Variants in KIR2DL3 observed in about 807,000 individuals in gnomAD.
KIR2DL3 encodes the protein killer cell immunoglobulin like receptor, two Ig domains and long cytoplasmic tail 3.
KIR2DL3 carries 39 observed loss-of-function variants against 33.8 expected under a neutral mutation model. The observed-to-expected ratio is 1.15, with a 90% CI of 0.89 to 1.51. The LOEUF is 1.51. Among genes scored for constraint, KIR2DL3 ranks in the 40% most tolerant of loss-of-function variants. KIR2DL3 has a pLI of 0.00. For synonymous variants in KIR2DL3, 174 were observed against 160.2 expected (o/e 1.09, Z -0.65); for missense variants, 462 against 426.2 (o/e 1.08, Z -0.74).
intron 5 of KIR2DL3, among the ~76,000 whole-genome samples, chr19:54,751,353 C>T (rs2073390223): frequency 7.5e-6 from 1 of 132,646 alleles, no homozygotes; most frequent in Non-Finnish European, 1.6e-5. Flanking sequence ...GATGGATCCA[C>T]CTCCATGACC....
chr19:54,752,496 G>C lies in KIR2DL3; in HGVS notation c.1003G>C (p.Glu335Gln), dbSNP rs780375565. The C allele has an allele frequency of 3.4e-6, 5 of 1,464,552 alleles. 1 individual carries two copies. The African/African-American group carries it at 7.7e-5, about 23-fold the overall frequency. The allele number at this position is 1,464,552 out of a possible 1,614,324, so 90.7% of individuals were successfully genotyped here. Residue 335 changes from glutamate (E) to glutamine (Q), a missense_variant, in exon 8 of 8, where the codon GAA (glutamate) becomes CAA (glutamine). By Grantham distance (29) the Glu-to-Gln change is conservative. Coordinates refer to ENST00000342376, the MANE Select transcript of KIR2DL3 (RefSeq NM_015868.3). ...TPPTDIIVYT[E>Q]LPNAEP ...CCCAACAGATATCATCGTGTACACG[G>C]AACTTCCAAATGCTGAGCCCTGATC...
intron 4 of KIR2DL3, among the ~76,000 whole-genome samples, chr19:54,744,950 ATATATTTTT>A (rs1351957595): frequency 2.6e-4 from 7 of 26,796 alleles, no homozygotes; most frequent in Admixed American, 1.3e-3. Flanking sequence ...ATATATATAT[ATATATTTTT>A]TTTTTTTTTT....
In KIR2DL3 at chr19:54,744,357, T is replaced by A. The variant is rs1322103736; in HGVS notation, c.664+269T>A. On this transcript the variant is annotated intron_variant, in intron 4 of 7. Transcript: ENST00000342376. ...CCAGAGGAGAGAGACTGGGCTCAGT[T>A]TGGGAAGATCAGAGGTTCCCTCAGC... is the stretch of plus-strand genomic sequence containing the variant. 7.2e-5 allele frequency among the ~76,000 whole-genome samples: 11 copies of A among 152,166 alleles called. No individual in the cohort carries two copies. The South Asian group carries it at 1.0e-3, about 14-fold the overall frequency.
In KIR2DL3 at chr19:54,753,026, T is replaced by G. The variant is rs149069923; in HGVS notation, c.*507T>G. The G allele has an allele frequency of 5.8e-3, 1,038 of 178,672 alleles. 16 individuals are homozygous for G. The highest frequency in any genetic ancestry group is 0.026 in the African/African-American group (973 of 37,130). 11.1% of individuals were successfully genotyped at this position (178,672 alleles called of 1,614,324 possible). ...AAAATAATTTCAATGTAGTTTTCCC[T>G]CCTTCAAATAAACATGTCTGCCCTC... On this transcript the variant is annotated 3_prime_UTR_variant, in exon 8 of 8. Coordinates refer to ENST00000342376, the MANE Select transcript of KIR2DL3 (RefSeq NM_015868.3).
At chr19:54,740,959 A>G (rs1467606360) in intron 2 of KIR2DL3, among the ~76,000 whole-genome samples, 1 of 151,562 alleles carries the variant, frequency 6.6e-6, no homozygotes, top group South Asian at 2.1e-4. Context: ...CAGGTGGCCT[A>G]TAGAGGCTGG....
intron 5 of KIR2DL3, among the ~76,000 whole-genome samples, chr19:54,748,094 A>T (rs2072840971): frequency 6.7e-6 from 1 of 150,352 alleles, no homozygotes; most frequent in Non-Finnish European, 1.5e-5. Context: ...TCTGCTTCTC[A>T]CTTATCCCAG....
At chr19:54,738,757 TTGAGATATGGGCCTGCAGTA>T (rs2070288485) in intron 1 of KIR2DL3, among the ~76,000 whole-genome samples, 178 bp downstream of exon 1, 1 of 91,606 alleles carries the variant, frequency 1.1e-5, no homozygotes, top group African/African-American at 4.4e-5. Context: ...GGCCTGGAGG[TTGAGATATGGGCCTGCAGTA>T]GAGATATGGG....
Position 54,752,695 on chromosome 19 carries a change from G to T in KIR2DL3, c.*176G>T. 10 of 930,046 alleles carry T rather than the reference G, an allele frequency of 1.1e-5. 3 individuals are homozygous for T. Among genetic ancestry groups the T allele is most frequent in the South Asian group, 1.7e-5 (1 of 57,290 alleles). 57.6% of individuals were successfully genotyped at this position (930,046 alleles called of 1,614,324 possible). A position where few individuals can be genotyped will look rare whatever the true frequency, so the allele number is the denominator to read the frequency against. On this transcript the variant is annotated 3_prime_UTR_variant, in exon 8 of 8. Coordinates refer to ENST00000342376, the MANE Select transcript of KIR2DL3 (RefSeq NM_015868.3). ...TCTTCCTCACACCACAAATCTGAAC[G>T]TGCCTCTCCCTTGCTTACAAATGTC...
In KIR2DL3 at chr19:54,741,774, G is replaced by A. The variant is rs181745473; in HGVS notation, c.71-206G>A. Among the ~76,000 whole-genome samples the A allele has an allele frequency of 4.2e-3, 634 of 151,624 alleles. 2 individuals carry two copies. The highest frequency in any genetic ancestry group is 7.6e-3 in the Non-Finnish European group (518 of 67,924). ...TCAGCCCAGTGGGAAGGGAATCAGA[G>A]GCTACTAGAGACAGAGGGACAGAGA... On this transcript the variant is annotated intron_variant, in intron 2 of 7. Transcript: ENST00000342376.
Position 54,751,754 on chromosome 19 carries a change from G to A in KIR2DL3, c.820+1G>A. The A allele has an allele frequency of 6.9e-7, 1 of 1,459,318 alleles. No homozygotes were observed. Among genetic ancestry groups the A allele is most frequent in the African/African-American group, 1.5e-5 (1 of 64,670 alleles). The allele number at this position is 1,459,318 out of a possible 1,614,324, so 90.4% of individuals were successfully genotyped here. On this transcript the variant is annotated splice_donor_variant, in intron 6 of 7. Transcript: ENST00000342376. LOFTEE classifies it high-confidence loss of function. ...CATCGCTGGTGCTGCAACAAAAAAAGTAAGTCTCACGAAGCAGAGGCCAGA... is the reference window on the plus strand; with the variant it reads ...CATCGCTGGTGCTGCAACAAAAAAAATAAGTCTCACGAAGCAGAGGCCAGA...
Position 54,738,578 on chromosome 19 carries a change from T to C in KIR2DL3, c.33T>C (p.Val11=). 2 of 1,614,080 alleles carry C rather than the reference T, an allele frequency of 1.2e-6. No individual in the cohort carries two copies. Among genetic ancestry groups the C allele is most frequent in the Admixed American group, 1.7e-5 (1 of 60,028 alleles). Residue 11 remains valine (V), a splice_region_variant and synonymous_variant, in exon 1 of 8, where the codon GTT becomes GTC. Transcript: ENST00000342376. The part of the protein sequence containing the change: MSLMVVSMVC[V]GFFLLQGAWP... ...TCATGGTCGTCAGCATGGTGTGTGT[T>C]GGTGAGTCCTGGAAGGGCATCGAGG...
intron 1 of KIR2DL3, among the ~76,000 whole-genome samples, chr19:54,739,262 G>A (rs538261951): frequency 2.8e-5 from 4 of 142,220 alleles, no homozygotes; most frequent in Non-Finnish European, 6.3e-5. Context: ...CTGGATTGGC[G>A]ATATGGGCCT....
intron 5 of KIR2DL3, among the ~76,000 whole-genome samples, chr19:54,747,648 T>C (rs2072757345): frequency 1.3e-5 from 2 of 152,234 alleles, no homozygotes; most frequent in African/African-American, 2.4e-5. Flanking sequence ...TCAGGAAAAA[T>C]GCAATGTTTG....
rs2070210096 is a variant in KIR2DL3, at chr19:54,738,565, G to A, written c.20G>A (p.Ser7Asn). The A allele has an allele frequency of 1.2e-6, 2 of 1,614,074 alleles. No homozygotes were observed. The highest frequency in any genetic ancestry group is 8.5e-7 in the Non-Finnish European group (1 of 1,180,044). The change falls in exon 1 of 8, where the codon AGC becomes AAC. Residue 7 changes from serine to asparagine, a missense_variant. Ser to Asn is a conservative substitution (Grantham distance 46). Coordinates refer to ENST00000342376, the MANE Select transcript of KIR2DL3 (RefSeq NM_015868.3). Reference sequence around the variant, plus strand: ...AGCACCATGTCGCTCATGGTCGTCAGCATGGTGTGTGTTGGTGAGTCCTGG... The same window carrying A: ...AGCACCATGTCGCTCATGGTCGTCAACATGGTGTGTGTTGGTGAGTCCTGG... MSLMVV[S>N]MVCVGFFLLQ...
chr19:54,743,655 G>A, intron 3 of KIR2DL3, 140 bp from the exon 4 acceptor site: 3 of 982,970 alleles, frequency 3.1e-6, no homozygotes, highest in Middle Eastern at 3.4e-4. Flanking sequence ...AAATAGACAT[G>A]AAGAGAGATG....
chr19:54,748,800 T>C (rs1471959945), intron 5 of KIR2DL3, among the ~76,000 whole-genome samples: 3 of 147,428 alleles, frequency 2.0e-5, no homozygotes, highest in African/African-American at 5.1e-5. Context: ...TCTTTTTGTA[T>C]ATTTTTTGTA....
chr19:54,747,485 C>T lies in KIR2DL3; in HGVS notation c.715+100C>T, dbSNP rs567778343. ...AGCATCTCGCAGCTCTGACATTGTACGCCTGTCTTCTACCATCTCCGAACT... is the reference window on the plus strand; with the variant it reads ...AGCATCTCGCAGCTCTGACATTGTATGCCTGTCTTCTACCATCTCCGAACT... On this transcript the variant is annotated intron_variant, in intron 5 of 7. Transcript: ENST00000342376. 65 of 1,441,764 alleles carry T rather than the reference C, an allele frequency of 4.5e-5. No homozygotes were observed. In the Middle Eastern group the frequency reaches 2.1e-3, roughly 46 times the overall value. 89.3% of individuals were successfully genotyped at this position (1,441,764 alleles called of 1,614,324 possible). A position where few individuals can be genotyped will look rare whatever the true frequency, so the allele number is the denominator to read the frequency against.
At position 54,742,183 on chromosome 19, in the gene KIR2DL3, C is replaced by G. The variant is rs202138501; in HGVS notation, c.274C>G (p.Gln92Glu). Residue 92 changes from glutamine (Q) to glutamate (E), a missense_variant, in exon 3 of 8, where the codon CAA (glutamine) becomes GAA (glutamate). Gln to Glu is a conservative substitution (Grantham distance 29, BLOSUM62 2). Transcript: ENST00000342376. Reference protein sequence around the residue: ...KANFSIGPMMQDLAGTYRCYG... With the variant: ...KANFSIGPMMEDLAGTYRCYG... ...CAACTTCTCCATCGGTCCCATGATGCAAGACCTTGCAGGGACCTACAGATG... is the reference window on the plus strand; with the variant it reads ...CAACTTCTCCATCGGTCCCATGATGGAAGACCTTGCAGGGACCTACAGATG... 2.0e-4 allele frequency: 321 copies of G among 1,614,120 alleles called. 2 individuals carry two copies. Among genetic ancestry groups the G allele is most frequent in the Middle Eastern group, 8.2e-4 (5 of 6,062 alleles).
In KIR2DL3 at chr19:54,742,030, T is replaced by G. The variant is rs1444904673; in HGVS notation, c.121T>G (p.Ser41Ala). The G allele has an allele frequency of 6.2e-6, 10 of 1,612,066 alleles. No individual in the cohort carries two copies. The highest frequency in any genetic ancestry group is 8.5e-6 in the Non-Finnish European group (10 of 1,178,976). ...GGCCCACCCAGGTCCCCTGGTGAAA[T>G]CAGAAGAGACAGTCATCCTGCAATG... ...LLAHPGPLVK[S>A]EETVILQCWS... The change falls in exon 3 of 8, where the codon TCA becomes GCA. Residue 41 changes from serine (S) to alanine (A), a missense_variant. Ser to Ala is a moderately conservative substitution (Grantham distance 99). Transcript: ENST00000342376.
Sources: gnomAD v4.1 joint callset for allele counts (sites outside exome capture counted in the v4.1 genomes callset) on GRCh38, gnomAD v4.1.1 for gene constraint, MANE v1.5 for transcripts, NCBI Gene and HGNC (gene_info 2026-07-23, HGNC 2026-07-21) for gene names.